D2HGDH: variants seen among roughly 807,000 people sequenced by gnomAD.
D2HGDH encodes the protein D-2-hydroxyglutarate dehydrogenase, mitochondrial.
Under a neutral mutation model 46.9 loss-of-function variants are expected in D2HGDH, and 31 were observed. That is an observed-to-expected ratio of 0.66 (90% CI 0.50 to 0.89). The LOEUF (loss-of-function observed/expected upper bound fraction) is 0.89, where lower values mean the gene tolerates loss of function less well. Among genes scored for constraint, D2HGDH ranks in the 40% least tolerant of loss-of-function variants. The pLI is 0.00. For synonymous variants in D2HGDH, 364 were observed against 332.6 expected (o/e 1.09, Z -1.03); for missense variants, 698 against 720.8 (o/e 0.97, Z 0.36).
chr2:241,741,064 G>GTC lies in D2HGDH; in HGVS notation c.325_326dup (p.Glu110ArgfsTer18), dbSNP rs749330477. On this transcript the variant is annotated frameshift_variant, in exon 3 of 10. Coordinates refer to ENST00000321264, the MANE Select transcript of D2HGDH (RefSeq NM_152783.5). LOFTEE classifies it high-confidence loss of function. ...GCAAGGTGCTGCTGAGGCCACGGAC[G>GTC]TCGGAGGAGGTGTCCCACATCCTCA... is the stretch of plus-strand genomic sequence containing the variant. The GTC allele has an allele frequency of 6.2e-7, 1 of 1,614,020 alleles. No individual in the cohort carries two copies. The highest frequency in any genetic ancestry group is 1.3e-5 in the African/African-American group (1 of 75,028).
intron 9 of D2HGDH, among the ~76,000 whole-genome samples, chr2:241,764,651 G>C (rs1699120256): frequency 6.6e-6 from 1 of 152,232 alleles, no homozygotes; most frequent in African/African-American, 2.4e-5. Flanking sequence ...TGAGTTGGGG[G>C]AGCTTTCCTT....
intron 8 of D2HGDH, chr2:241,755,051 A>G: frequency 7.7e-7 from 1 of 1,301,110 alleles, no homozygotes; most frequent in South Asian, 1.2e-5. Flanking sequence ...GCAGATCTCC[A>G]CAATGGAAGT....
chr2:241,735,432 T>G lies in D2HGDH; in HGVS notation c.208T>G (p.Phe70Val), dbSNP rs779588094. The G allele has an allele frequency of 5.0e-6, 8 of 1,608,904 alleles. No individual in the cohort carries two copies. The East Asian group carries it at 1.8e-4, about 36-fold the overall frequency. The change falls in exon 2 of 10, where the codon TTT (phenylalanine) becomes GTT (valine). Residue 70 changes from phenylalanine (F) to valine (V), a missense_variant. Phe to Val is a conservative substitution (Grantham distance 50, BLOSUM62 -1). Transcript: ENST00000321264. ...STVSKQDLAA[F>V]ERIVPGGVVT... ...GGTGTCTAAGCAGGACCTGGCCGCC[T>G]TTGAGCGCATCGTGCCCGGCGGGGT...
intron 2 of D2HGDH, among the ~76,000 whole-genome samples, chr2:241,738,590 C>T (rs567550694): frequency 7.1e-4 from 108 of 151,984 alleles, no homozygotes; most frequent in Non-Finnish European, 1.4e-3. Context: ...GAGGGGTGAC[C>T]ACGCTCTTCC....
intron 7 of D2HGDH, 81 bp downstream of exon 7, chr2:241,750,375 C>T (rs1486252833): frequency 7.7e-5 from 23 of 296,994 alleles, no homozygotes; most frequent in Non-Finnish European, 1.1e-4. Context: ...TCAGAGACCC[C>T]GGGTGGGCGG....
chr2:241,744,957 G>A, intron 6 of D2HGDH, 80 bp downstream of exon 6: 2 of 1,580,482 alleles, frequency 1.3e-6, no homozygotes, highest in Non-Finnish European at 1.7e-6. Flanking sequence ...TTGGTGTGAG[G>A]AAGGGGATGG....
intron 2 of D2HGDH, among the ~76,000 whole-genome samples, chr2:241,739,459 A>G (rs1343166713): frequency 1.3e-5 from 2 of 152,248 alleles, no homozygotes; most frequent in African/African-American, 4.8e-5. Context: ...CCCTCTGCAA[A>G]AATTGCTCAT....
chr2:241,735,398 G>C lies in D2HGDH; in HGVS notation c.174G>C (p.Pro58=). 1 of 1,599,152 alleles carries C rather than the reference G, an allele frequency of 6.3e-7. No homozygotes were observed. The highest frequency in any genetic ancestry group is 8.5e-7 in the Non-Finnish European group (1 of 1,175,918). The change falls in exon 2 of 10, where the codon CCG becomes CCC. Residue 58 remains proline (P), a synonymous_variant. Coordinates refer to ENST00000321264, the MANE Select transcript of D2HGDH (RefSeq NM_152783.5). ...AGCGCTACCCCGTGCGGCGCTTGCC[G>C]TTCTCCACGGTGTCTAAGCAGGACC... is the stretch of plus-strand genomic sequence containing the variant. The part of the protein sequence containing the change: ...TRERYPVRRL[P]FSTVSKQDLA...
rs373229694 is a variant in D2HGDH at position 241,767,855 on chromosome 2, C to T, written c.1452C>T (p.Asp484=). The T allele has an allele frequency of 1.1e-5, 18 of 1,611,296 alleles. No homozygotes were observed. The highest frequency in any genetic ancestry group is 1.1e-4 in the African/African-American group (8 of 74,874). ...AEHGVGFRKR[D]VLGYSKPPGA... is the part of the protein sequence containing the mutation. ...ACGGAGTGGGCTTCAGGAAGAGGGA[C>T]GTCCTGGGCTACAGCAAGCCACCGG... The change falls in exon 10 of 10, where the codon GAC becomes GAT. Residue 484 remains aspartate, a synonymous_variant. Coordinates refer to ENST00000321264, the MANE Select transcript of D2HGDH (RefSeq NM_152783.5).
Position 241,735,268 on chromosome 2 carries a change from G to C in D2HGDH, c.44G>C (p.Arg15Pro). ...CTGGCGTGGCCCGCGTGGCTGTTGC[G>C]GGGTGCTCCGGGAGCCGCGGGTTCT... Reference protein sequence around the residue: ...RPLAWPAWLLRGAPGAAGSWG... With the variant: ...RPLAWPAWLLPGAPGAAGSWG... The change falls in exon 2 of 10, where the codon CGG (arginine) becomes CCG (proline). Residue 15 changes from arginine (R) to proline (P), a missense_variant. By Grantham distance (103) the Arg-to-Pro change is moderately radical. Transcript: ENST00000321264. 6.6e-7 allele frequency: 1 copy of C among 1,520,064 alleles called. No individual in the cohort carries two copies. Among genetic ancestry groups the C allele is most frequent in the Non-Finnish European group, 8.8e-7 (1 of 1,141,538 alleles). 94.2% of individuals were successfully genotyped at this position (1,520,064 alleles called of 1,614,324 possible).
chr2:241,764,704 C>T (rs1487711142), intron 9 of D2HGDH, among the ~76,000 whole-genome samples: 1 of 152,236 alleles, frequency 6.6e-6, no homozygotes, highest in East Asian at 1.9e-4. Flanking sequence ...AAACAGCCCT[C>T]ACCCCAACAT....
chr2:241,755,158 C>T (rs1269599037), intron 8 of D2HGDH: 3 of 1,303,904 alleles, frequency 2.3e-6, no homozygotes, highest in African/African-American at 1.5e-5. Context: ...GTCTGCTCCT[C>T]CTCAGAATCC....
At chr2:241,746,064 A>G (rs1192030796) in intron 6 of D2HGDH, among the ~76,000 whole-genome samples, 1 of 152,006 alleles carries the variant, frequency 6.6e-6, no homozygotes. Flanking sequence ...GAATTACTGA[A>G]TTTCTTAAAC....
Position 241,755,902 on chromosome 2 carries a change from C to T in D2HGDH, c.1194C>T (p.Tyr398=), listed in dbSNP as rs200838840. 91 of 1,613,222 alleles carry T rather than the reference C, an allele frequency of 5.6e-5. 2 individuals are homozygous for T. The highest frequency in any genetic ancestry group is 4.5e-4 in the East Asian group (20 of 44,852). ...CAGAGGCGCTGAGCCGGGATGGCTA[C>T]GTGTACAAGTACGACCTCTCCCTCC... is the stretch of plus-strand genomic sequence containing the variant. ...RITEALSRDG[Y]VYKYDLSLPV... The change falls in exon 9 of 10, where the codon TAC becomes TAT. Residue 398 remains tyrosine (Y), a synonymous_variant. Coordinates refer to ENST00000321264, the MANE Select transcript of D2HGDH (RefSeq NM_152783.5).
chr2:241,742,525 C>A lies in D2HGDH; in HGVS notation c.441C>A (p.Ile147=). ...GGSVPVFDEI[I]LSTARMNRVL... ...GCGTCCCCGTCTTTGACGAGATCAT[C>A]CTCTCCACTGCCCGCATGAACCGGG... The change falls in exon 4 of 10, where the codon ATC becomes ATA. Residue 147 remains isoleucine, a synonymous_variant. Transcript: ENST00000321264. This position sits in a 1 kb window ranked among gnomAD's most constrained non-coding sequence, Gnocchi z 4.8. 1 of 1,614,102 alleles carries A rather than the reference C, an allele frequency of 6.2e-7. No homozygotes were observed. The highest frequency in any genetic ancestry group is 8.5e-7 in the Non-Finnish European group (1 of 1,180,012).
intron 8 of D2HGDH, chr2:241,755,553 G>T: frequency 7.1e-7 from 1 of 1,417,550 alleles, no homozygotes; most frequent in East Asian, 3.4e-5. Context: ...CGGAGTCCCA[G>T]GGTGCTCGGT....
rs1697421229 is a variant in D2HGDH at position 241,752,499 on chromosome 2, G to T, written c.1140+1111G>T. Among the ~76,000 whole-genome samples, 2 of 152,050 alleles carry T rather than the reference G, an allele frequency of 1.3e-5. 1 individual carries two copies. The highest frequency in any genetic ancestry group is 3.9e-4 in the East Asian group (2 of 5,184). Reference sequence around the variant, plus strand: ...GGCCCCAGGGACCACACGAACAGAGGCTCACCCTCCCTCGCGTTCCGTGTG... The same window carrying T: ...GGCCCCAGGGACCACACGAACAGAGTCTCACCCTCCCTCGCGTTCCGTGTG... On this transcript the variant is annotated intron_variant, in intron 8 of 9. Transcript: ENST00000321264.
chr2:241,749,682 A>C, intron 6 of D2HGDH: 1 of 326,054 alleles, frequency 3.1e-6, no homozygotes, highest in Non-Finnish European at 6.0e-6. Flanking sequence ...GCCCCCTCTG[A>C]GTCCCACTGC....
rs577460032 is a variant in D2HGDH, at chr2:241,743,334, T to C, written c.491-288T>C. On this transcript the variant is annotated intron_variant, in intron 4 of 9. Transcript: ENST00000321264. This position sits in a 1 kb window ranked among gnomAD's most constrained non-coding sequence, Gnocchi z 4.8. ...GCAGGATCAGCCCCAGCTGAGAATCTTCCCTCTTCTACTCCTTTCCACGAG... is the reference window on the plus strand; with the variant it reads ...GCAGGATCAGCCCCAGCTGAGAATCCTCCCTCTTCTACTCCTTTCCACGAG... 1.3e-5 allele frequency among the ~76,000 whole-genome samples: 2 copies of C among 152,332 alleles called. No homozygotes were observed. The highest frequency in any genetic ancestry group is 4.1e-4 in the South Asian group (2 of 4,828).
Sources: gnomAD v4.1 joint callset for allele counts (sites outside exome capture counted in the v4.1 genomes callset) on GRCh38, gnomAD v4.1.1 for gene constraint, Gnocchi (gnomAD v3.1) non-coding constraint, MANE v1.5 for transcripts, NCBI Gene and HGNC (gene_info 2026-07-23, HGNC 2026-07-21) for gene names.